The following NLGN2 variants were observed in gnomAD, a reference collection of about 807,000 sequenced individuals.
NLGN2 encodes neuroligin-2.
In NLGN2, 11 loss-of-function variants were observed where a neutral mutation model predicts 48.6. The ratio of observed to expected loss-of-function variants is 0.23; its 90% CI spans 0.14 to 0.37. The LOEUF (loss-of-function observed/expected upper bound fraction) is 0.37. Among genes scored for constraint, NLGN2 ranks in the 10% least tolerant of loss-of-function variants. The probability of loss-of-function intolerance (pLI) is 1.00; values close to 1 mark genes in which losing one functional copy is unlikely to be tolerated. For missense variants in NLGN2, 801 were observed against 1,225.2 expected, an observed-to-expected ratio of 0.65 and a Z score of 5.17; for synonymous variants, 548 against 550.0, an observed-to-expected ratio of 1.00 and a Z score of 0.05.
upstream of NLGN2, among the ~76,000 whole-genome samples, chr17:7,406,915 A>G (rs1024626556): frequency 6.6e-6 from 1 of 152,134 alleles, no homozygotes; most frequent in Non-Finnish European, 1.5e-5. Flanking sequence ...GGAGGGGGGC[A>G]GTCAGTAGGC....
chr17:7,408,734 C>T lies in NLGN2; in HGVS notation c.457+22C>T. ...GACGGTAAGGGCGCGGGCACAAAGC[C>T]GGGCACCCCGTGGACACAGCCCACA... On this transcript the variant is annotated intron_variant, in intron 1 of 6. Transcript: ENST00000302926. This position sits in a 1 kb window ranked among gnomAD's most constrained non-coding sequence, Gnocchi z 7.5. The T allele has an allele frequency of 1.2e-6, 2 of 1,612,412 alleles. No individual in the cohort carries two copies. Among genetic ancestry groups the T allele is most frequent in the East Asian group, 2.2e-5 (1 of 44,836 alleles).
intron 5 of NLGN2, 31 bp downstream of exon 5, chr17:7,415,179 CT>C: frequency 6.4e-7 from 1 of 1,556,714 alleles, no homozygotes; most frequent in Non-Finnish European, 8.7e-7. Context: ...GGGTCCAGGC[CT>C]TCAAGGTTCC....
chr17:7,415,497 C>T lies in NLGN2; in HGVS notation c.1038-14C>T. 1 of 1,612,364 alleles carries T rather than the reference C, an allele frequency of 6.2e-7. No individual in the cohort carries two copies. Among genetic ancestry groups the T allele is most frequent in the Non-Finnish European group, 8.5e-7 (1 of 1,178,360 alleles). ...CAGTGAGCAGGTGGTGAGACCCTGA[C>T]CCCTTCTCCCCAGCTACCACATCGC... On this transcript the variant is annotated splice_polypyrimidine_tract_variant and intron_variant, in intron 5 of 6. Transcript: ENST00000302926.
upstream of NLGN2, among the ~76,000 whole-genome samples, chr17:7,406,650 G>C (rs1906652044): frequency 7.4e-6 from 1 of 134,448 alleles, no homozygotes; most frequent in African/African-American, 2.6e-5. Flanking sequence ...GCTGGTGGGG[G>C]GGCGGGGGGG....
chr17:7,406,646 G>T (rs1206588385), upstream of NLGN2, among the ~76,000 whole-genome samples: 1 of 134,540 alleles, frequency 7.4e-6, no homozygotes, highest in Non-Finnish European at 1.7e-5. Flanking sequence ...GGCGGCTGGT[G>T]GGGGGGCGGG....
chr17:7,417,757 C>T lies in NLGN2; in HGVS notation c.2466C>T (p.His822=), dbSNP rs1597714778. Residue 822 remains histidine (H), a synonymous_variant, in exon 7 of 7, where the codon CAC becomes CAT. Coordinates refer to ENST00000302926, the MANE Select transcript of NLGN2 (RefSeq NM_020795.4). The part of the protein sequence containing the change: ...FPPPPPTATS[H]NNTLPHPHST... ...CGCCCCCTCCCACCGCCACCAGCCA[C>T]AACAACACGCTACCCCACCCCCACT... 7.5e-7 allele frequency: 1 copy of T among 1,339,648 alleles called. No homozygotes were observed. The highest frequency in any genetic ancestry group is 1.6e-5 in the African/African-American group (1 of 64,010). The allele number at this position is 1,339,648 out of a possible 1,614,324, so 83.0% of individuals were successfully genotyped here.
chr17:7,410,813 GGC>G (rs562331404), intron 1 of NLGN2, among the ~76,000 whole-genome samples: 6 of 151,210 alleles, frequency 4.0e-5, no homozygotes, highest in Non-Finnish European at 8.8e-5. Context: ...GGTTGACTCA[GGC>G]GCGCGCGCGC....
chr17:7,407,386 G>A (rs927506119), upstream of NLGN2, among the ~76,000 whole-genome samples: 1 of 152,176 alleles, frequency 6.6e-6, no homozygotes, highest in Non-Finnish European at 1.5e-5. Context: ...TGGGGAGAGA[G>A]GGGTCGCAGG....
chr17:7,408,316 C>A lies in NLGN2; in HGVS notation c.61C>A (p.Pro21Thr), dbSNP rs2150811148. The A allele has an allele frequency of 1.4e-6, 2 of 1,379,668 alleles. No individual in the cohort carries two copies. Among genetic ancestry groups the A allele is most frequent in the Non-Finnish European group, 1.9e-6 (2 of 1,075,876 alleles). 85.5% of individuals were successfully genotyped at this position (1,379,668 alleles called of 1,614,324 possible). ...LAGAQRGGGGPGGGAPGGPGL... is the reference protein window; with the variant it reads ...LAGAQRGGGGTGGGAPGGPGL... Reference sequence around the variant, plus strand: ...GGGGGCTCAACGCGGGGGAGGGGGTCCCGGCGGCGGCGCCCCGGGCGGCCC... The same window carrying A: ...GGGGGCTCAACGCGGGGGAGGGGGTACCGGCGGCGGCGCCCCGGGCGGCCC... Residue 21 changes from proline (P) to threonine (T), a missense_variant, in exon 1 of 7, where the codon CCC becomes ACC. Pro to Thr is a conservative substitution (Grantham distance 38). Coordinates refer to ENST00000302926, the MANE Select transcript of NLGN2 (RefSeq NM_020795.4). This position sits in a 1 kb window ranked among gnomAD's most constrained non-coding sequence, Gnocchi z 7.5.
At position 7,417,584 on chromosome 17, in the gene NLGN2, T is replaced by C. The variant is rs1295791774; in HGVS notation, c.2293T>C (p.Cys765Arg). The C allele has an allele frequency of 7.0e-7, 1 of 1,432,142 alleles. No individual in the cohort carries two copies. Among genetic ancestry groups the C allele is most frequent in the Non-Finnish European group, 9.1e-7 (1 of 1,100,980 alleles). 88.7% of individuals were successfully genotyped at this position (1,432,142 alleles called of 1,614,324 possible). The change falls in exon 7 of 7, where the codon TGC (cysteine) becomes CGC (arginine). Residue 765 changes from cysteine (C) to arginine (R), a missense_variant. By Grantham distance (180) the Cys-to-Arg change is radical (BLOSUM62 -3). Coordinates refer to ENST00000302926, the MANE Select transcript of NLGN2 (RefSeq NM_020795.4). ...CCCTGCCGAGGCTCTGCGCCCTGCC[T>C]GCCCGCCCGACTACACCCTGGCCCT... ...ADPAEALRPA[C>R]PPDYTLALRR...
At chr17:7,405,081 T>C (rs1906571611), upstream of NLGN2, 1 of 148,796 alleles carries the variant, frequency 6.7e-6, no homozygotes, top group Non-Finnish European at 1.5e-5. The surrounding 1 kb of genome is among the most constrained non-coding windows in gnomAD (Gnocchi z 6.8). Context: ...GCTCCCGCCC[T>C]CCTCTGACTC....
In NLGN2 at chr17:7,408,752, A is replaced by T. The variant is rs1217221768; in HGVS notation, c.457+40A>T. 1 of 1,611,368 alleles carries T rather than the reference A, an allele frequency of 6.2e-7. No homozygotes were observed. The highest frequency in any genetic ancestry group is 1.3e-5 in the African/African-American group (1 of 74,842). On this transcript the variant is annotated intron_variant, in intron 1 of 6. Coordinates refer to ENST00000302926, the MANE Select transcript of NLGN2 (RefSeq NM_020795.4). This position sits in a 1 kb window ranked among gnomAD's most constrained non-coding sequence, Gnocchi z 7.5. ...ACAAAGCCGGGCACCCCGTGGACACAGCCCACAAACGCACATGCAGACCCT... is the reference window on the plus strand; with the variant it reads ...ACAAAGCCGGGCACCCCGTGGACACTGCCCACAAACGCACATGCAGACCCT...
Position 7,411,780 on chromosome 17 carries a change from C to T in NLGN2, c.458-377C>T, listed in dbSNP as rs1179837117. Among the ~76,000 whole-genome samples, 1 of 151,698 alleles carries T rather than the reference C, an allele frequency of 6.6e-6. No homozygotes were observed. Among genetic ancestry groups the T allele is most frequent in the Non-Finnish European group, 1.5e-5 (1 of 67,890 alleles). Reference sequence around the variant, plus strand: ...TGGGTGGGCTTCCCCTCCCCTCCCACCCCACCTCTAACACTGTTTCATTTC... The same window carrying T: ...TGGGTGGGCTTCCCCTCCCCTCCCATCCCACCTCTAACACTGTTTCATTTC... On this transcript the variant is annotated intron_variant, in intron 1 of 6. Transcript: ENST00000302926. The surrounding 1 kb of genome is among the most constrained non-coding windows in gnomAD (Gnocchi z 4.5).
chr17:7,415,267 G>C (rs1379589672), intron 5 of NLGN2, 119 bp downstream of exon 5: 11 of 972,712 alleles, frequency 1.1e-5, no homozygotes, highest in Non-Finnish European at 1.6e-5. Context: ...CCAGTAAGTG[G>C]CCTCCTCTTG....
intron 2 of NLGN2, among the ~76,000 whole-genome samples, chr17:7,412,884 T>C (rs1906954841): frequency 7.5e-6 from 1 of 133,924 alleles, no homozygotes; most frequent in Non-Finnish European, 1.6e-5. Flanking sequence ...TCTTGCTTTT[T>C]GGTTGTTTTT....
chr17:7,415,100 G>T lies in NLGN2; in HGVS notation c.989G>T (p.Arg330Leu), dbSNP rs1440527600. Residue 330 changes from arginine (R) to leucine (L), a missense_variant, in exon 5 of 7, where the codon CGC (arginine) becomes CTC (leucine). By Grantham distance (102) the Arg-to-Leu change is moderately radical. This residue lies in a region of NLGN2 where 303 missense variants were observed against 600.1 expected (regional missense o/e 0.50). Coordinates refer to ENST00000302926, the MANE Select transcript of NLGN2 (RefSeq NM_020795.4). ...AGCGCTGAAGCTGTGGAGTGTCTGC[G>T]CCGGAAGCCCTCCCGGGAGCTGGTG... is the stretch of plus-strand genomic sequence containing the variant. ...EDSAEAVECLRRKPSRELVDQ... is the reference protein window; with the variant it reads ...EDSAEAVECLLRKPSRELVDQ... 1 of 1,609,342 alleles carries T rather than the reference G, an allele frequency of 6.2e-7. No individual in the cohort carries two copies. The highest frequency in any genetic ancestry group is 8.5e-7 in the Non-Finnish European group (1 of 1,176,980).
At chr17:7,412,429 A>G (rs1410802923) in intron 2 of NLGN2, among the ~76,000 whole-genome samples, 1 of 152,356 alleles carries the variant, frequency 6.6e-6, no homozygotes, top group East Asian at 1.9e-4. Context: ...AACCTGCCAG[A>G]AAAGCTAAAC....
rs1237940705 is a variant in NLGN2, at chr17:7,417,350, C to T, written c.2059C>T (p.Leu687Phe). 6.2e-7 allele frequency: 1 copy of T among 1,611,286 alleles called. No homozygotes were observed. Among genetic ancestry groups the T allele is most frequent in the Non-Finnish European group, 8.5e-7 (1 of 1,179,142 alleles). The change falls in exon 7 of 7, where the codon CTC becomes TTC. Residue 687 changes from leucine (L) to phenylalanine (F), a missense_variant. Leu to Phe is a conservative substitution (Grantham distance 22). Around this residue, in one of 5 missense-constraint regions of NLGN2, gnomAD observed 276 missense variants for 313.9 expected, o/e 0.88. Coordinates refer to ENST00000302926, the MANE Select transcript of NLGN2 (RefSeq NM_020795.4). Reference protein sequence around the residue: ...SVTVAVGASLLFLNILAFAAL... With the variant: ...SVTVAVGASLFFLNILAFAAL... Reference sequence around the variant, plus strand: ...CACCGTGGCCGTGGGTGCCTCCCTCCTCTTCCTCAACATCCTGGCCTTTGC... The same window carrying T: ...CACCGTGGCCGTGGGTGCCTCCCTCTTCTTCCTCAACATCCTGGCCTTTGC...
rs79932544 is a variant in NLGN2, at chr17:7,410,819, C to T, written c.458-1338C>T. Reference sequence around the variant, plus strand: ...GGAGGAAGAGGTTGACTCAGGCGCGCGCGCGCACACACACACGCGCTTCAT... The same window carrying T: ...GGAGGAAGAGGTTGACTCAGGCGCGTGCGCGCACACACACACGCGCTTCAT... On this transcript the variant is annotated intron_variant, in intron 1 of 6. Transcript: ENST00000302926. Among the ~76,000 whole-genome samples, 413 of 151,330 alleles carry T rather than the reference C, an allele frequency of 2.7e-3. 16 individuals are homozygous for T. The East Asian group carries it at 0.071, about 26-fold the overall frequency.
Sources: gnomAD v4.1 joint callset for allele counts (sites outside exome capture counted in the v4.1 genomes callset) on GRCh38, gnomAD v4.1.1 for gene constraint, gnomAD v4.1.1 regional missense constraint, Gnocchi (gnomAD v3.1) non-coding constraint, MANE v1.5 for transcripts, NCBI Gene and HGNC (gene_info 2026-07-23, HGNC 2026-07-21) for gene names.